PIEZO1: variants seen among roughly 807,000 people sequenced by gnomAD.
PIEZO1 encodes the protein piezo-type mechanosensitive ion channel component 1.
Under a neutral mutation model 297.2 loss-of-function variants are expected in PIEZO1, and 296 were observed. The ratio of observed to expected loss-of-function variants is 1.00; its 90% CI spans 0.91 to 1.10. The LOEUF is 1.10. Among genes scored for constraint, PIEZO1 ranks in the 50% least tolerant of loss-of-function variants. The probability of loss-of-function intolerance (pLI) is 0.00; values close to 1 mark genes in which losing one functional copy is unlikely to be tolerated. For synonymous variants in PIEZO1, 2,427 were observed against 1,507.5 expected, an observed-to-expected ratio of 1.61 and a Z score of -14.13; for missense variants, 5,018 against 3,455.5, an observed-to-expected ratio of 1.45 and a Z score of -11.34.
At chr16:88,725,267 G>C (rs1904340277) in intron 29 of PIEZO1, 149 bp downstream of exon 29, 2 of 684,458 alleles carry the variant, frequency 2.9e-6, no homozygotes, top group Non-Finnish European at 4.7e-6. Flanking sequence ...GGCGGCCATG[G>C]GGCCTGCCAG....
chr16:88,738,331 G>C lies in PIEZO1; in HGVS notation c.744C>G (p.Leu248=). The C allele has an allele frequency of 1.3e-6, 2 of 1,535,904 alleles. No individual in the cohort carries two copies. Among genetic ancestry groups the C allele is most frequent in the South Asian group, 1.2e-5 (1 of 84,070 alleles). Residue 248 remains leucine, a synonymous_variant, in exon 7 of 51, where the codon CTC becomes CTG. Transcript: ENST00000301015. The part of the protein sequence containing the change: ...FPISTRGFSR[L]CVAVGCFGAG... Reference sequence around the variant, plus strand: ...CGCCGAAGCACCCCACCGCGACGCAGAGTCTGCTGAAGCCCCGAGTGCTGA... The same window carrying C: ...CGCCGAAGCACCCCACCGCGACGCACAGTCTGCTGAAGCCCCGAGTGCTGA...
rs1025828158 is a variant in PIEZO1 at position 88,734,912 on chromosome 16, T to C, written c.1811A>G (p.Tyr604Cys). 28 of 1,550,362 alleles carry C rather than the reference T, an allele frequency of 1.8e-5. No homozygotes were observed. The highest frequency in any genetic ancestry group is 2.3e-5 in the Non-Finnish European group (26 of 1,146,960). The change falls in exon 14 of 51, where the codon TAC (tyrosine) becomes TGC (cysteine). Residue 604 changes from tyrosine (Y) to cysteine (C), a missense_variant. By Grantham distance (194) the Tyr-to-Cys change is radical (BLOSUM62 -2). Coordinates refer to ENST00000301015, the MANE Select transcript of PIEZO1 (RefSeq NM_001142864.4). ...AGRLVVYKIV[Y>C]MFLFLLCLTL... ...GAGGCAGAGCAGGAAGAGGAACATG[T>C]AGACAATCTTGTAGACCACGAGGCG...
At position 88,716,134 on chromosome 16, in the gene PIEZO1, G is replaced by A. The variant is rs914294910; in HGVS notation, c.7130-15C>T. On this transcript the variant is annotated splice_polypyrimidine_tract_variant and intron_variant, in intron 49 of 50. Coordinates refer to ENST00000301015, the MANE Select transcript of PIEZO1 (RefSeq NM_001142864.4). ...GGCCTCCTCATCTGGGATGGAGGGA[G>A]AAGATCGTTGAGGCCGCAGGTCACC... The A allele has an allele frequency of 6.5e-7, 1 of 1,535,930 alleles. No individual in the cohort carries two copies. Among genetic ancestry groups the A allele is most frequent in the Non-Finnish European group, 8.8e-7 (1 of 1,137,068 alleles).
chr16:88,716,705 G>C lies in PIEZO1; in HGVS notation c.6780C>G (p.Tyr2260Ter), dbSNP rs569506770. 4.5e-6 allele frequency: 7 copies of C among 1,548,496 alleles called. No homozygotes were observed. Among genetic ancestry groups the C allele is most frequent in the African/African-American group, 1.4e-5 (1 of 73,178 alleles). Residue 2260 changes from tyrosine (Y) to a stop codon, truncating the protein, a stop_gained, in exon 47 of 51, where the codon TAC (tyrosine) becomes TAG (stop). Coordinates refer to ENST00000301015, the MANE Select transcript of PIEZO1 (RefSeq NM_001142864.4). LOFTEE classifies it high-confidence loss of function. Reference sequence around the variant, plus strand: ...GCGCCGTGACGATGTCCTCAGGGCTGTACTGGCTGATGAACTGCATGGCCA... The same window carrying C: ...GCGCCGTGACGATGTCCTCAGGGCTCTACTGGCTGATGAACTGCATGGCCA... ...QPLAMQFISQ[Y>*]SPEDIVTAQI... is the part of the protein sequence containing the mutation.
intron 21 of PIEZO1, 53 bp from the exon 22 acceptor site, chr16:88,731,963 A>AGGGGGGGGTGTGGGGATGCACTGAGT: frequency 1.2e-4 from 1 of 8,468 alleles, no homozygotes; most frequent in South Asian, 1.3e-3. Flanking sequence ...GGGGGGAGGG[A>AGGGGGGGGTGTGGGGATGCACTGAGT]CTTTCTTGTC....
At chr16:88,773,908 G>C (rs1343882782) in intron 1 of PIEZO1, among the ~76,000 whole-genome samples, 1 of 152,128 alleles carries the variant, frequency 6.6e-6, no homozygotes, top group Non-Finnish European at 1.5e-5. Context: ...AGTCCCCTCA[G>C]GTGCCACCAT....
rs1905018641 is a variant in PIEZO1, at chr16:88,733,611, T to C, written c.2464A>G (p.Thr822Ala). ...LHVFKLVALY[T>A]VWVALKEVSV... is the part of the protein sequence containing the mutation. ...ACCTCCTTCAGGGCCACCCAGACGG[T>C]GTACAGGGCCACCAGCTTGAAAACG... Residue 822 changes from threonine (T) to alanine (A), a missense_variant, in exon 18 of 51, where the codon ACC (threonine) becomes GCC (alanine). By Grantham distance (58) the Thr-to-Ala change is moderately conservative (BLOSUM62 0). Transcript: ENST00000301015. 4.5e-6 allele frequency: 7 copies of C among 1,548,266 alleles called. No homozygotes were observed. In the East Asian group the frequency reaches 1.2e-4, roughly 27 times the overall value.
intron 1 of PIEZO1, among the ~76,000 whole-genome samples, chr16:88,767,649 G>C (rs886154559): frequency 3.3e-5 from 5 of 152,140 alleles, no homozygotes; most frequent in African/African-American, 4.8e-5. Flanking sequence ...CAGCCACCTA[G>C]GAAGGCGGAG....
Position 88,719,970 on chromosome 16 carries a change from G to A in PIEZO1, c.6165-10C>T. The A allele has an allele frequency of 1.3e-6, 2 of 1,550,114 alleles. No homozygotes were observed. Among genetic ancestry groups the A allele is most frequent in the South Asian group, 1.2e-5 (1 of 84,066 alleles). On this transcript the variant is annotated splice_polypyrimidine_tract_variant and intron_variant, in intron 42 of 50. Coordinates refer to ENST00000301015, the MANE Select transcript of PIEZO1 (RefSeq NM_001142864.4). ...ATTCTGGTTGAACATCCTGGGGCGGGATGGCCAGGTCAAGGACCCCATCAG... is the reference window on the plus strand; with the variant it reads ...ATTCTGGTTGAACATCCTGGGGCGGAATGGCCAGGTCAAGGACCCCATCAG...
chr16:88,778,135 A>G (rs1379117954), intron 1 of PIEZO1, among the ~76,000 whole-genome samples: 9 of 152,210 alleles, frequency 5.9e-5, no homozygotes, highest in Non-Finnish European at 1.0e-4. Flanking sequence ...GCGGGGGTCC[A>G]GGACTCCCCT....
intron 1 of PIEZO1, among the ~76,000 whole-genome samples, chr16:88,764,338 C>T (rs966875246): frequency 3.9e-5 from 6 of 152,156 alleles, no homozygotes; most frequent in Non-Finnish European, 7.3e-5. Flanking sequence ...ACACCACCAG[C>T]GTCGCTGGAT....
Position 88,738,676 on chromosome 16 carries a change from G to A in PIEZO1, c.526C>T (p.Leu176=). The change falls in exon 6 of 51, where the codon CTG becomes TTG. Residue 176 remains leucine, a synonymous_variant. Coordinates refer to ENST00000301015, the MANE Select transcript of PIEZO1 (RefSeq NM_001142864.4). ...PTAGLQEAAT[L]APTRRSRLAA... ...AGCCGTGACCTCCGTGTAGGGGCCA[G>A]CGTTGCTGCTTCCTGCAGCCCTGCC... 1 of 1,535,176 alleles carries A rather than the reference G, an allele frequency of 6.5e-7. No individual in the cohort carries two copies. The highest frequency in any genetic ancestry group is 1.2e-5 in the South Asian group (1 of 84,054).
intron 15 of PIEZO1, 30 bp from the exon 16 acceptor site, chr16:88,734,568 G>C: frequency 6.5e-7 from 1 of 1,544,394 alleles, no homozygotes; most frequent in Non-Finnish European, 8.7e-7. Context: ...GCACCGGCCC[G>C]GCCCCCGGCA....
intron 1 of PIEZO1, among the ~76,000 whole-genome samples, chr16:88,750,417 G>A (rs1906328755): frequency 6.6e-6 from 1 of 152,234 alleles, no homozygotes; most frequent in South Asian, 2.1e-4. Flanking sequence ...TGGGGCAGTG[G>A]GACACAGCGC....
chr16:88,734,607 G>C, intron 15 of PIEZO1, 43 bp downstream of exon 15: 1 of 1,549,094 alleles, frequency 6.5e-7, no homozygotes, highest in Non-Finnish European at 8.7e-7. Context: ...GGAAGTGCAC[G>C]GGGTTTCGGC....
At chr16:88,780,368 G>C (rs1907873988) in intron 1 of PIEZO1, among the ~76,000 whole-genome samples, 1 of 150,906 alleles carries the variant, frequency 6.6e-6, no homozygotes, top group Admixed American at 6.7e-5. Flanking sequence ...ACAGAAGGCA[G>C]ATACAGAGGA....
Position 88,735,236 on chromosome 16 carries a change from G to A in PIEZO1, c.1568C>T (p.Thr523Ile). The A allele has an allele frequency of 1.3e-6, 2 of 1,549,882 alleles. No homozygotes were observed. The highest frequency in any genetic ancestry group is 1.2e-5 in the South Asian group (1 of 84,054). The change falls in exon 13 of 51, where the codon ACC becomes ATC. Residue 523 changes from threonine to isoleucine, a missense_variant. Transcript: ENST00000301015. ...GCGCAGCAGGAGCCAGAAGGTCAGG[G>A]TGTAGAGCAACTGTGACAAGCGCAG... ...CLDLGAMLLY[T>I]LTFWLLLRQF...
In PIEZO1 at chr16:88,722,981, C is replaced by T. The variant is rs1014871707; in HGVS notation, c.4524G>A (p.Leu1508=). 14 of 1,548,356 alleles carry T rather than the reference C, an allele frequency of 9.0e-6. No individual in the cohort carries two copies. In the African/African-American group the frequency reaches 1.5e-4, roughly 17 times the overall value. Residue 1508 remains leucine, a synonymous_variant, in exon 34 of 51, where the codon CTG becomes CTA. Transcript: ENST00000301015. ...GCATCCACAGGAACTGCGCCGTGCTCAGCACCCTCTGCACCACATGGCTCC... is the reference window on the plus strand; with the variant it reads ...GCATCCACAGGAACTGCGCCGTGCTTAGCACCCTCTGCACCACATGGCTCC... ...AGRSHVVQRV[L]STAQFLWMLG...
In PIEZO1 at chr16:88,722,306, C is replaced by T. The variant is rs1427692574; in HGVS notation, c.4867G>A (p.Glu1623Lys). 2.6e-6 allele frequency: 4 copies of T among 1,548,110 alleles called. No individual in the cohort carries two copies. In the South Asian group the frequency reaches 4.8e-5, roughly 18 times the overall value. ...TGYHTRSGSE[E>K]AVTDPGEREA... is the part of the protein sequence containing the mutation. ...CGCTCCCCGGGGTCGGTGACTGCCTCCTCACTGCCACTGCGCGTGTGGTAG... is the reference window on the plus strand; with the variant it reads ...CGCTCCCCGGGGTCGGTGACTGCCTTCTCACTGCCACTGCGCGTGTGGTAG... The change falls in exon 36 of 51, where the codon GAG (glutamate) becomes AAG (lysine). Residue 1623 changes from glutamate (E) to lysine (K), a missense_variant. Coordinates refer to ENST00000301015, the MANE Select transcript of PIEZO1 (RefSeq NM_001142864.4).
Sources: allele counts gnomAD v4.1 joint callset (sites outside exome capture counted in the v4.1 genomes callset), GRCh38; gene constraint gnomAD v4.1.1; transcripts MANE v1.5; gene names NCBI Gene and HGNC (gene_info 2026-07-23, HGNC 2026-07-21).